The following CSMD1 variants were observed in gnomAD, a reference collection of about 807,000 sequenced individuals.
The protein encoded by CSMD1 is CUB and Sushi multiple domains 1, also known as CUB and sushi domain-containing protein 1.
CSMD1 carries 213 observed loss-of-function variants against 417.5 expected under a neutral mutation model. The ratio of observed to expected loss-of-function variants is 0.51; its 90% confidence interval spans 0.46 to 0.57. CSMD1 has a LOEUF of 0.57. CSMD1 is among the 20% of genes least tolerant of loss of function. CSMD1 has a pLI of 0.00. For synonymous variants in CSMD1, 2,862 were observed against 1,736.8 expected, an observed-to-expected ratio of 1.65 and a Z score of -16.11; for missense variants, 6,923 against 4,529.7, an observed-to-expected ratio of 1.53 and a Z score of -15.17.
At chr8:4,615,456 C>A (rs932783898) in intron 2 of CSMD1, among the ~76,000 whole-genome samples, 2 of 152,120 alleles carry the variant, frequency 1.3e-5, no homozygotes, top group African/African-American at 4.8e-5. Context: ...AGACCAATTT[C>A]CTCATTGATT....
chr8:3,764,275 C>T (rs918061044), intron 5 of CSMD1, among the ~76,000 whole-genome samples: 3 of 152,316 alleles, frequency 2.0e-5, no homozygotes, highest in South Asian at 2.1e-4. Context: ...CCTGTGTTCC[C>T]GTCCAAACCC....
intron 3 of CSMD1, among the ~76,000 whole-genome samples, chr8:4,276,411 G>A (rs1020346288): frequency 5.3e-5 from 8 of 152,182 alleles, no homozygotes; most frequent in South Asian, 2.1e-4. Flanking sequence ...ACTCATAAGT[G>A]GGAGTTGAAC....
At chr8:3,216,587 A>G (rs1275619150) in intron 29 of CSMD1, among the ~76,000 whole-genome samples, 1 of 152,128 alleles carries the variant, frequency 6.6e-6, no homozygotes, top group Non-Finnish European at 1.5e-5. Flanking sequence ...TTTTTTCCCA[A>G]TGGACTGCAT....
chr8:4,928,207 C>T (rs1306729078), intron 1 of CSMD1, among the ~76,000 whole-genome samples: 1 of 152,186 alleles, frequency 6.6e-6, no homozygotes, highest in Non-Finnish European at 1.5e-5. Flanking sequence ...CACCAAGAAG[C>T]TGACCAGCAT....
At chr8:4,974,613 T>C (rs916392564) in intron 1 of CSMD1, among the ~76,000 whole-genome samples, 1 of 152,180 alleles carries the variant, frequency 6.6e-6, no homozygotes, top group African/African-American at 2.4e-5. Flanking sequence ...TATATATTTT[T>C]AAAATTCTGT....
At chr8:3,475,214 C>T (rs79506498) in intron 11 of CSMD1, among the ~76,000 whole-genome samples, 2 of 152,140 alleles carry the variant, frequency 1.3e-5, no homozygotes, top group African/African-American at 4.8e-5. Flanking sequence ...TAGGTCATCA[C>T]AGAATCCTTC....
At chr8:4,615,109 G>T (rs887287476) in intron 2 of CSMD1, among the ~76,000 whole-genome samples, 9 of 152,232 alleles carry the variant, frequency 5.9e-5, no homozygotes, top group African/African-American at 1.9e-4. Flanking sequence ...CTCTGTAACT[G>T]CATGACACAA....
intron 3 of CSMD1, among the ~76,000 whole-genome samples, chr8:4,316,243 T>C (rs1016417928): frequency 6.6e-6 from 1 of 152,166 alleles, no homozygotes; most frequent in African/African-American, 2.4e-5. Flanking sequence ...CTTCCATTTG[T>C]AGTGATTTTT....
At chr8:3,902,356 G>A (rs1421311133) in intron 5 of CSMD1, among the ~76,000 whole-genome samples, 5 of 152,046 alleles carry the variant, frequency 3.3e-5, no homozygotes, top group Non-Finnish European at 4.4e-5. Context: ...TGGCTTTTCT[G>A]TTTACAAAAA....
At chr8:4,353,282 A>T (rs542996570) in intron 3 of CSMD1, among the ~76,000 whole-genome samples, 1 of 152,082 alleles carries the variant, frequency 6.6e-6, no homozygotes, top group African/African-American at 2.4e-5. Context: ...TGATGGTTTT[A>T]TAAAGGGGAG....
chr8:3,266,463 G>A (rs373947694), intron 26 of CSMD1, among the ~76,000 whole-genome samples: 16 of 151,666 alleles, frequency 1.1e-4, no homozygotes, highest in Middle Eastern at 3.4e-3. Context: ...AAAATTAGCC[G>A]GGCATGGTGG....
intron 2 of CSMD1, among the ~76,000 whole-genome samples, chr8:4,439,962 T>C (rs1243473285): frequency 6.6e-6 from 1 of 152,140 alleles, no homozygotes; most frequent in Non-Finnish European, 1.5e-5. Flanking sequence ...TGAATTAAGA[T>C]CCTGGCCTGC....
At chr8:3,433,121 T>C (rs1001755135) in intron 12 of CSMD1, among the ~76,000 whole-genome samples, 2 of 152,230 alleles carry the variant, frequency 1.3e-5, no homozygotes, top group African/African-American at 2.4e-5. Flanking sequence ...ATTGGAAGGT[T>C]AGAAAGTTGC....
chr8:3,254,972 C>G (rs1256547561), intron 26 of CSMD1, among the ~76,000 whole-genome samples: 2 of 152,106 alleles, frequency 1.3e-5, no homozygotes, highest in Admixed American at 6.6e-5. Context: ...TACAGTTTTT[C>G]TGCTCTGTTT....
At chr8:3,841,415 A>G (rs988057071) in intron 5 of CSMD1, among the ~76,000 whole-genome samples, 2 of 152,146 alleles carry the variant, frequency 1.3e-5, no homozygotes, top group Non-Finnish European at 2.9e-5. Context: ...TTATGGAGAA[A>G]AGAAGAAAAC....
rs73658132 is a variant in CSMD1 at position 3,500,705 on chromosome 8, G to A, written c.1345-6979C>T. Among the ~76,000 whole-genome samples, 352 of 152,330 alleles carry A rather than the reference G, an allele frequency of 2.3e-3. 4 individuals are homozygous for A. Among genetic ancestry groups the A allele is most frequent in the African/African-American group, 8.1e-3 (336 of 41,576 alleles). ...TGAATGCTACTAAGAATGTGAATTA[G>A]ATGAGCTCTAAGATGAGACGTGTGG... On this transcript the variant is annotated intron_variant, in intron 10 of 69. Coordinates refer to ENST00000635120, the MANE Select transcript of CSMD1 (RefSeq NM_033225.6).
At position 3,040,871 on chromosome 8, in the gene CSMD1, A is replaced by G. The variant is rs11986117; in HGVS notation, c.7661-11358T>C. Among the ~76,000 whole-genome samples, 1,415 of 152,304 alleles carry G rather than the reference A, an allele frequency of 9.3e-3. 29 individuals carry two copies. The highest frequency in any genetic ancestry group is 0.032 in the African/African-American group (1,338 of 41,564). On this transcript the variant is annotated intron_variant, in intron 50 of 69. Transcript: ENST00000635120. ...GTTTTGTCGAAAATAATCTGTTAGAATATTTCTGAGTAATATTTTCATATA... is the reference window on the plus strand; with the variant it reads ...GTTTTGTCGAAAATAATCTGTTAGAGTATTTCTGAGTAATATTTTCATATA...
At chr8:4,587,177 T>C (rs1176512459) in intron 2 of CSMD1, among the ~76,000 whole-genome samples, 4 of 152,180 alleles carry the variant, frequency 2.6e-5, no homozygotes, top group Non-Finnish European at 5.9e-5. Flanking sequence ...CCAGCTTTTA[T>C]GGCTTACTTG....
At chr8:4,325,991 A>G (rs1162273655) in intron 3 of CSMD1, among the ~76,000 whole-genome samples, 1 of 152,164 alleles carries the variant, frequency 6.6e-6, no homozygotes, top group African/African-American at 2.4e-5. Flanking sequence ...CACCTGGGGT[A>G]CGAACTCAGT....
Sources: gnomAD v4.1 joint callset for allele counts (sites outside exome capture counted in the v4.1 genomes callset) on GRCh38, gnomAD v4.1.1 for gene constraint, MANE v1.5 for transcripts, NCBI Gene and HGNC (gene_info 2026-07-23, HGNC 2026-07-21) for gene names.